Variants in XKR4 observed in about 807,000 individuals in gnomAD.
The protein encoded by XKR4 is XK related 4.
XKR4 carries 12 observed loss-of-function variants against 53.9 expected under a neutral mutation model. The observed-to-expected ratio is 0.22, with a 90% CI of 0.14 to 0.36. The LOEUF (loss-of-function observed/expected upper bound fraction) is 0.36. Ranked by LOEUF, XKR4 falls within the 10% of genes least tolerant of loss-of-function variation. XKR4 has a pLI of 1.00. For missense variants in XKR4, 799 were observed against 859.5 expected (o/e 0.93, Z 0.88); for synonymous variants, 354 against 362.4 (o/e 0.98, Z 0.26).
intron 2 of XKR4, among the ~76,000 whole-genome samples, chr8:55,358,769 C>T (rs1336235960): frequency 1.3e-5 from 2 of 152,234 alleles, no homozygotes; most frequent in Non-Finnish European, 2.9e-5. Flanking sequence ...GTTTGGATCT[C>T]AGCAGGGCCT....
Position 55,439,344 on chromosome 8 carries a change from C to G in XKR4, c.1006+81467C>G, listed in dbSNP as rs1585573328. On this transcript the variant is annotated intron_variant, in intron 2 of 2. Transcript: ENST00000327381. ...TGCGCTCCTTCCCAATCAAAATTCT[C>G]TAAACAGGGAATTCTCTAAAGAGAC... Among the ~76,000 whole-genome samples the G allele has an allele frequency of 3.3e-5, 5 of 152,236 alleles. 1 individual carries two copies. The highest frequency in any genetic ancestry group is 3.3e-4 in the Admixed American group (5 of 15,280).
At chr8:55,155,950 A>G (rs1432851551) in intron 1 of XKR4, among the ~76,000 whole-genome samples, 2 of 152,242 alleles carry the variant, frequency 1.3e-5, no homozygotes, top group Non-Finnish European at 2.9e-5. Flanking sequence ...AGACACTTTC[A>G]GACATGCAAG....
At position 55,539,265 on chromosome 8, in the gene XKR4, A is replaced by G. The variant is rs1807070373; in HGVS notation, c.*15038A>G. 1 of 152,232 alleles carries G rather than the reference A, an allele frequency of 6.6e-6. No individual in the cohort carries two copies. Among genetic ancestry groups the G allele is most frequent in the Non-Finnish European group, 1.5e-5 (1 of 68,040 alleles). The allele number at this position is 152,232 out of a possible 1,614,324, so 9.4% of individuals were successfully genotyped here. A position where few individuals can be genotyped will look rare whatever the true frequency, so the allele number is the denominator to read the frequency against. On this transcript the variant is annotated 3_prime_UTR_variant, in exon 3 of 3. Coordinates refer to ENST00000327381, the MANE Select transcript of XKR4 (RefSeq NM_052898.2). ...GATAATGTTTTCATGATATGGCTTC[A>G]TGAGGCAAAGTTGTTGTACATCAAT...
At chr8:55,448,662 C>T (rs1039519037) in intron 2 of XKR4, among the ~76,000 whole-genome samples, 2 of 152,092 alleles carry the variant, frequency 1.3e-5, no homozygotes, top group African/African-American at 4.8e-5. Context: ...GGTTTCCTGC[C>T]CACTATTTAT....
intron 1 of XKR4, among the ~76,000 whole-genome samples, chr8:55,136,403 T>C (rs543299015): frequency 3.3e-4 from 51 of 152,354 alleles, no homozygotes; most frequent in Non-Finnish European, 6.6e-4. Context: ...TCATGACTGC[T>C]TTTTAAGCAT....
chr8:55,202,477 A>G (rs1817588709), intron 1 of XKR4, among the ~76,000 whole-genome samples: 2 of 152,218 alleles, frequency 1.3e-5, no homozygotes, highest in African/African-American at 2.4e-5. Flanking sequence ...CAGGCCAACA[A>G]TTAACATTTC....
intron 2 of XKR4, among the ~76,000 whole-genome samples, chr8:55,407,607 G>A (rs1249039484): frequency 6.6e-6 from 1 of 152,148 alleles, no homozygotes; most frequent in East Asian, 1.9e-4. Flanking sequence ...CGGCTCCACC[G>A]CACTCTTTTC....
chr8:55,289,319 C>A (rs1210047328), intron 1 of XKR4, among the ~76,000 whole-genome samples: 8 of 151,694 alleles, frequency 5.3e-5, no homozygotes, highest in Admixed American at 2.0e-4. Context: ...GAGTTTGAGA[C>A]CAGGCTGCCC....
intron 2 of XKR4, among the ~76,000 whole-genome samples, chr8:55,361,505 C>T (rs1027717807): frequency 1.3e-5 from 2 of 152,034 alleles, no homozygotes; most frequent in Non-Finnish European, 2.9e-5. Context: ...TTCGTTTCAC[C>T]TCATTTCTAC....
intron 1 of XKR4, among the ~76,000 whole-genome samples, chr8:55,301,808 C>G (rs568031121): frequency 2.6e-5 from 4 of 152,302 alleles, no homozygotes; most frequent in South Asian, 2.1e-4. Context: ...TGAGAAGTGT[C>G]TGTTCATATC....
chr8:55,188,665 G>T (rs1817408637), intron 1 of XKR4, among the ~76,000 whole-genome samples: 1 of 152,148 alleles, frequency 6.6e-6, no homozygotes, highest in Non-Finnish European at 1.5e-5. Context: ...AAGAGTTTTT[G>T]GGTCTAGGGT....
At chr8:55,202,897 C>T (rs1030886359) in intron 1 of XKR4, among the ~76,000 whole-genome samples, 2 of 139,978 alleles carry the variant, frequency 1.4e-5, no homozygotes, top group Non-Finnish European at 2.9e-5. Flanking sequence ...GCAGAGCAGC[C>T]CTGCTGGCTC....
chr8:55,331,875 G>C (rs1431658423), intron 1 of XKR4, among the ~76,000 whole-genome samples: 1 of 151,958 alleles, frequency 6.6e-6, no homozygotes, highest in East Asian at 1.9e-4. Context: ...ATTGGGTGCT[G>C]GTTTCTAAAT....
chr8:55,350,738 C>CTTTTTTTTTTTTTTTTTT (rs1028164969), intron 1 of XKR4, among the ~76,000 whole-genome samples: 2 of 122,444 alleles, frequency 1.6e-5, no homozygotes, highest in African/African-American at 3.1e-5. Context: ...TTTTTCTTTT[C>CTTTTTTTTTTTTTTTTTT]TTTTTTTTTT....
chr8:55,287,144 C>A, intron 1 of XKR4, among the ~76,000 whole-genome samples: 1 of 144,904 alleles, frequency 6.9e-6, no homozygotes, highest in African/African-American at 2.6e-5. Flanking sequence ...GGGGGGGGAA[C>A]CTTCAATAAT....
chr8:55,170,827 G>A (rs1243771075), intron 1 of XKR4, among the ~76,000 whole-genome samples: 1 of 152,100 alleles, frequency 6.6e-6, no homozygotes, highest in Non-Finnish European at 1.5e-5. Context: ...CTGACTTTCC[G>A]GACACGGGCG....
At chr8:55,182,489 GGTAA>G (rs1817324302) in intron 1 of XKR4, among the ~76,000 whole-genome samples, 1 of 152,094 alleles carries the variant, frequency 6.6e-6, no homozygotes, top group Non-Finnish European at 1.5e-5. Flanking sequence ...CATGAGGTGA[GGTAA>G]GTGTCAAGGT....
At chr8:55,190,018 G>A (rs892227904) in intron 1 of XKR4, among the ~76,000 whole-genome samples, 4 of 152,148 alleles carry the variant, frequency 2.6e-5, no homozygotes, top group South Asian at 2.1e-4. Flanking sequence ...TCACTTGCCC[G>A]GAGACAAACC....
intron 1 of XKR4, among the ~76,000 whole-genome samples, chr8:55,230,619 C>T (rs1421511867): frequency 6.6e-6 from 1 of 152,120 alleles, no homozygotes; most frequent in Non-Finnish European, 1.5e-5. Context: ...CCGCCCACCT[C>T]GGCCTCCCAA....
Sources: gnomAD v4.1 joint callset for allele counts (sites outside exome capture counted in the v4.1 genomes callset) on GRCh38, gnomAD v4.1.1 for gene constraint, MANE v1.5 for transcripts, NCBI Gene and HGNC (gene_info 2026-07-23, HGNC 2026-07-21) for gene names.